PHACTR2: variants seen among roughly 807,000 people sequenced by gnomAD.
PHACTR2 encodes the protein phosphatase and actin regulator 2.
PHACTR2 carries 30 observed loss-of-function variants against 76.0 expected under a neutral mutation model. The observed-to-expected ratio is 0.39, with a 90% CI of 0.30 to 0.54. The LOEUF is 0.54. Among genes scored for constraint, PHACTR2 ranks in the 20% least tolerant of loss-of-function variants. PHACTR2 has a pLI of 0.61. For missense variants in PHACTR2, 696 were observed against 781.1 expected (o/e 0.89, Z 1.30); for synonymous variants, 292 against 292.5 (o/e 1.00, Z 0.02).
At chr6:143,796,717 G>A (rs1268181100) in intron 11 of PHACTR2, among the ~76,000 whole-genome samples, 3 of 152,132 alleles carry the variant, frequency 2.0e-5, no homozygotes, top group Non-Finnish European at 2.9e-5. Context: ...AGCTTCATCC[G>A]TGTCCCTGCA....
intron 1 of PHACTR2, among the ~76,000 whole-genome samples, chr6:143,642,964 A>G (rs1776594615): frequency 6.6e-6 from 1 of 152,194 alleles, no homozygotes; most frequent in Non-Finnish European, 1.5e-5. Flanking sequence ...GCTATTCCCT[A>G]TTAATTTGCT....
chr6:143,649,019 T>C (rs527918319), intron 1 of PHACTR2, among the ~76,000 whole-genome samples: 1 of 149,124 alleles, frequency 6.7e-6, no homozygotes, highest in East Asian at 2.0e-4. Context: ...TGTGTCTGTG[T>C]GTCTATGTGC....
chr6:143,725,812 C>A (rs1214890841), intron 2 of PHACTR2, among the ~76,000 whole-genome samples: 1 of 129,684 alleles, frequency 7.7e-6, no homozygotes, highest in Non-Finnish European at 1.7e-5. Context: ...GCAATAGAGA[C>A]TCTGTCTCAA....
chr6:143,596,448 A>G lies in PHACTR2; in HGVS notation c.217+59241A>G, dbSNP rs1775757733. On this transcript the variant is annotated intron_variant, in intron 1 of 11. Transcript: ENST00000367584. This position sits in a 1 kb window ranked among gnomAD's most constrained non-coding sequence, Gnocchi z 4.6. ...ATCCCCAGATTGTTAGCAGAATATC[A>G]GTAATAAATGCTTAACAGCCAGTGT... Among the ~76,000 whole-genome samples the G allele has an allele frequency of 6.6e-6, 1 of 152,344 alleles. No individual in the cohort carries two copies. The highest frequency in any genetic ancestry group is 1.9e-4 in the East Asian group (1 of 5,180).
rs971707511 is a variant in PHACTR2 at position 143,818,806 on chromosome 6, A to G, written c.1923-4868A>G. ...CCTCCCACCAGGTCCCTCCCACAAC[A>G]TGTGGGGATTATGAGATTACAATTC... is the stretch of plus-strand genomic sequence containing the variant. On this transcript the variant is annotated intron_variant, in intron 12 of 12. Coordinates refer to ENST00000440869, the MANE Select transcript of PHACTR2 (RefSeq NM_001100164.2). This position sits in a 1 kb window ranked among gnomAD's most constrained non-coding sequence, Gnocchi z 4.9. 6.6e-6 allele frequency among the ~76,000 whole-genome samples: 1 copy of G among 152,182 alleles called. No individual in the cohort carries two copies.
At chr6:143,605,961 T>A (rs1775864760), upstream of PHACTR2, among the ~76,000 whole-genome samples, 1 of 152,176 alleles carries the variant, frequency 6.6e-6, no homozygotes, top group African/African-American at 2.4e-5. The surrounding 1 kb of genome is among the most constrained non-coding windows in gnomAD (Gnocchi z 5.0). Flanking sequence ...CACAAATACT[T>A]GTCATCTACC....
rs1777162658 is a variant in PHACTR2, at chr6:143,672,064, G to C, written c.14-39952G>C. On this transcript the variant is annotated intron_variant, in intron 1 of 11. Coordinates refer to the PHACTR2 transcript ENST00000305766. The surrounding 1 kb of genome is among the most constrained non-coding windows in gnomAD (Gnocchi z 5.8). ...CAGGTTGGCAGTTCCCTAATGCCAA[G>C]GGTGGTACAGGGATGTGAAACAGGA... Among the ~76,000 whole-genome samples, 1 of 152,278 alleles carries C rather than the reference G, an allele frequency of 6.6e-6. No homozygotes were observed. Among genetic ancestry groups the C allele is most frequent in the South Asian group, 2.1e-4 (1 of 4,826 alleles).
chr6:143,648,849 T>C lies in PHACTR2; in HGVS notation c.13+40527T>C, dbSNP rs1157233902. Among the ~76,000 whole-genome samples, 1 of 151,840 alleles carries C rather than the reference T, an allele frequency of 6.6e-6. No homozygotes were observed. The highest frequency in any genetic ancestry group is 2.4e-5 in the African/African-American group (1 of 41,296). ...GTGTATACAAGTGTGTGTCTGTGTA[T>C]GTGTCCATGTGTGTGTCTATGCATA... is the stretch of plus-strand genomic sequence containing the variant. On this transcript the variant is annotated intron_variant, in intron 1 of 11. Coordinates refer to the PHACTR2 transcript ENST00000305766. This position sits in a 1 kb window ranked among gnomAD's most constrained non-coding sequence, Gnocchi z 6.7.
intron 11 of PHACTR2, among the ~76,000 whole-genome samples, chr6:143,804,699 T>C (rs1183458282): frequency 6.6e-6 from 1 of 152,264 alleles, no homozygotes; most frequent in African/African-American, 2.4e-5. Flanking sequence ...AATGCTTTCA[T>C]TGATTTTTGC....
At chr6:143,763,781 T>C (rs1207415278) in intron 5 of PHACTR2, among the ~76,000 whole-genome samples, 1 of 152,246 alleles carries the variant, frequency 6.6e-6, no homozygotes, top group Non-Finnish European at 1.5e-5. Context: ...CCCTCCCAAT[T>C]GACTTCAATA....
At chr6:143,814,759 C>T (rs753879679) in intron 12 of PHACTR2, among the ~76,000 whole-genome samples, 1 of 152,096 alleles carries the variant, frequency 6.6e-6, no homozygotes, top group Non-Finnish European at 1.5e-5. Context: ...CCCACCACTA[C>T]GCCTGGCTAA....
intron 1 of PHACTR2, among the ~76,000 whole-genome samples, chr6:143,634,665 T>C (rs1008192582): frequency 2.0e-5 from 3 of 152,198 alleles, no homozygotes; most frequent in African/African-American, 7.2e-5. Flanking sequence ...CATGCCAAGA[T>C]GATAAAAGAC....
rs542067415 is a variant in PHACTR2, at chr6:143,550,587, G to A, written c.217+13380G>A. Among the ~76,000 whole-genome samples, 1 of 152,138 alleles carries A rather than the reference G, an allele frequency of 6.6e-6. No homozygotes were observed. Among genetic ancestry groups the A allele is most frequent in the Admixed American group, 6.6e-5 (1 of 15,260 alleles). ...GATCTAGAGAGAGAGCATGGCTTTA[G>A]AACTTTTACCTACAAAAAATATTTT... On this transcript the variant is annotated intron_variant, in intron 1 of 11. Coordinates refer to the PHACTR2 transcript ENST00000367584. The surrounding 1 kb of genome is among the most constrained non-coding windows in gnomAD (Gnocchi z 4.8).
rs2128489557 is a variant in PHACTR2, at chr6:143,830,979, A to G, written c.*7290A>G. On this transcript the variant is annotated 3_prime_UTR_variant, in exon 13 of 13. Transcript: ENST00000440869. ...ACCTCTTTGTATGTAAGGTCTTGAG[A>G]CATGTAAGGCCTGGTACTTTTTATT... The G allele has an allele frequency of 6.6e-6, 1 of 152,348 alleles. No individual in the cohort carries two copies. The highest frequency in any genetic ancestry group is 1.9e-4 in the East Asian group (1 of 5,192). The allele number at this position is 152,348 out of a possible 1,614,324, so 9.4% of individuals were successfully genotyped here.
chr6:143,814,127 C>T (rs1246340718), intron 12 of PHACTR2, among the ~76,000 whole-genome samples: 1 of 152,066 alleles, frequency 6.6e-6, no homozygotes, highest in Admixed American at 6.6e-5. Flanking sequence ...GGGCCGTGGC[C>T]AGAGGATCAC....
At chr6:143,808,886 T>G (rs1169382247) in intron 12 of PHACTR2, among the ~76,000 whole-genome samples, 1 of 152,160 alleles carries the variant, frequency 6.6e-6, no homozygotes, top group African/African-American at 2.4e-5. Flanking sequence ...CCCTTCCACT[T>G]CTAGGGTCGG....
At position 143,557,591 on chromosome 6, in the gene PHACTR2, G is replaced by A. The variant is rs1396342297; in HGVS notation, c.217+20384G>A. ...GTCTCGATTTTTCGAGAACTGACCGGACCATGTGGACCTGGTCCAGCTCTT... is the reference window on the plus strand; with the variant it reads ...GTCTCGATTTTTCGAGAACTGACCGAACCATGTGGACCTGGTCCAGCTCTT... On this transcript the variant is annotated intron_variant, in intron 1 of 11. Coordinates refer to the PHACTR2 transcript ENST00000367584. The surrounding 1 kb of genome is among the most constrained non-coding windows in gnomAD (Gnocchi z 5.5). 2.0e-5 allele frequency: 3 copies of A among 152,216 alleles called. No homozygotes were observed. Among genetic ancestry groups the A allele is most frequent in the Non-Finnish European group, 4.4e-5 (3 of 68,086 alleles). 9.4% of individuals were successfully genotyped at this position (152,216 alleles called of 1,614,324 possible). A position where few individuals can be genotyped will look rare whatever the true frequency, so the allele number is the denominator to read the frequency against.
rs995089413 is a variant in PHACTR2 at position 143,549,989 on chromosome 6, A to C, written c.217+12782A>C. ...AAACTGAGAGTCCCGGTCAGCTTAC[A>C]CCAGAAAGTGCCAAGGCTACCATTT... On this transcript the variant is annotated intron_variant, in intron 1 of 11. Coordinates refer to the PHACTR2 transcript ENST00000367584. This position sits in a 1 kb window ranked among gnomAD's most constrained non-coding sequence, Gnocchi z 4.2. 6.6e-6 allele frequency among the ~76,000 whole-genome samples: 1 copy of C among 151,922 alleles called. No homozygotes were observed. The highest frequency in any genetic ancestry group is 1.9e-4 in the East Asian group (1 of 5,192).
rs749841742 is a variant in PHACTR2, at chr6:143,829,800, A to G, written c.*6111A>G. 1.3e-5 allele frequency: 2 copies of G among 152,236 alleles called. No individual in the cohort carries two copies. The highest frequency in any genetic ancestry group is 4.8e-5 in the African/African-American group (2 of 41,458). The allele number at this position is 152,236 out of a possible 1,614,324, so 9.4% of individuals were successfully genotyped here. ...TTTGGGGCCGAGTAACGCAGAGTCA[A>G]TAAAGGTGGTTATATTGTAAGCTTT... On this transcript the variant is annotated 3_prime_UTR_variant, in exon 13 of 13. Transcript: ENST00000440869.
Sources: gnomAD v4.1 joint callset for allele counts (sites outside exome capture counted in the v4.1 genomes callset) on GRCh38, gnomAD v4.1.1 for gene constraint, Gnocchi (gnomAD v3.1) non-coding constraint, MANE v1.5 for transcripts, NCBI Gene and HGNC (gene_info 2026-07-23, HGNC 2026-07-21) for gene names.